The following TBC1D14 variants were observed in gnomAD, a reference collection of about 807,000 sequenced individuals.
TBC1D14 encodes TBC1 domain family member 14.
In TBC1D14, 26 loss-of-function variants were observed where a neutral mutation model predicts 79.0. That is an observed-to-expected ratio of 0.33 (90% confidence interval 0.24 to 0.46). The LOEUF (loss-of-function observed/expected upper bound fraction) is 0.46. Ranked by LOEUF, TBC1D14 falls within the 20% of genes least tolerant of loss-of-function variation. The pLI is 1.00. For missense variants in TBC1D14, 769 were observed against 887.6 expected, an observed-to-expected ratio of 0.87 and a Z score of 1.70; for synonymous variants, 394 against 349.9, an observed-to-expected ratio of 1.13 and a Z score of -1.40.
intron 11 of TBC1D14, among the ~76,000 whole-genome samples, chr4:7,013,543 G>A (rs953043030): frequency 6.6e-6 from 1 of 152,124 alleles, no homozygotes; most frequent in Non-Finnish European, 1.5e-5. Context: ...TTAAAAAACC[G>A]TCCACCGTTG....
chr4:6,933,619 C>T (rs1410276225), intron 2 of TBC1D14, among the ~76,000 whole-genome samples: 1 of 152,072 alleles, frequency 6.6e-6, no homozygotes, highest in Non-Finnish European at 1.5e-5. Context: ...ACCTCTGTTT[C>T]TTAAAGTCAT....
chr4:6,926,964 C>T (rs566065799), intron 2 of TBC1D14, among the ~76,000 whole-genome samples: 1 of 152,320 alleles, frequency 6.6e-6, no homozygotes, highest in South Asian at 2.1e-4. Flanking sequence ...GTGAATCAGT[C>T]TCTGGGTTAT....
At chr4:7,024,939 A>C in intron 12 of TBC1D14, 65 bp from the exon 13 acceptor site, 1 of 1,588,826 alleles carries the variant, frequency 6.3e-7, no homozygotes, top group South Asian at 1.2e-5. Flanking sequence ...TCAGACTGGA[A>C]TTCACTGTTC....
At chr4:6,912,592 C>G (rs565738039) in intron 1 of TBC1D14, among the ~76,000 whole-genome samples, 1 of 152,126 alleles carries the variant, frequency 6.6e-6, no homozygotes. Context: ...CAGGAAGAAG[C>G]TGTACATTGT....
At chr4:6,968,219 C>T (rs1245918820) in intron 3 of TBC1D14, among the ~76,000 whole-genome samples, 1 of 152,156 alleles carries the variant, frequency 6.6e-6, no homozygotes, top group African/African-American at 2.4e-5. Flanking sequence ...AAGCGCCAGG[C>T]CTCATGCTTG....
chr4:7,029,590 G>T (rs1722835394), intron 13 of TBC1D14, among the ~76,000 whole-genome samples: 1 of 152,228 alleles, frequency 6.6e-6, no homozygotes, highest in South Asian at 2.1e-4. Flanking sequence ...ACTTTGGGAG[G>T]CCAAGGCGGG....
At chr4:7,026,733 C>CA (rs550751180) in intron 13 of TBC1D14, among the ~76,000 whole-genome samples, 1 of 151,896 alleles carries the variant, frequency 6.6e-6, no homozygotes, top group African/African-American at 2.4e-5. Context: ...CCCGTCTCTA[C>CA]AAAAAATACA....
At chr4:7,006,560 A>G in intron 8 of TBC1D14, 72 bp from the exon 9 acceptor site, 1 of 1,416,048 alleles carries the variant, frequency 7.1e-7, no homozygotes, top group Non-Finnish European at 9.8e-7. Context: ...TTCTTGTAAA[A>G]CTTCAAAGGC....
intron 3 of TBC1D14, chr4:6,987,356 CG>C: frequency 2.1e-6 from 3 of 1,423,632 alleles, no homozygotes; most frequent in Non-Finnish European, 2.8e-6. Flanking sequence ...CATGGTGAGT[CG>C]GGGTGCGGGC....
intron 2 of TBC1D14, among the ~76,000 whole-genome samples, chr4:6,940,795 T>TA (rs1712832998): frequency 1.3e-5 from 2 of 152,180 alleles, no homozygotes; most frequent in South Asian, 4.1e-4. Flanking sequence ...TCTTGTGTCT[T>TA]ACCTGTCTCC....
intron 3 of TBC1D14, chr4:6,987,452 G>T: frequency 8.7e-7 from 1 of 1,147,102 alleles, no homozygotes; most frequent in African/African-American, 1.6e-5. Flanking sequence ...CCCCGCGCAG[G>T]TGGAGGGTGC....
Position 7,009,881 on chromosome 4 carries a change from G to T in TBC1D14, c.1451G>T (p.Gly484Val), listed in dbSNP as rs767317889. The change falls in exon 10 of 14, where the codon GGT becomes GTT. Residue 484 changes from glycine (G) to valine (V), a missense_variant. By Grantham distance (109) the Gly-to-Val change is moderately radical. Coordinates refer to ENST00000409757, the MANE Select transcript of TBC1D14 (RefSeq NM_020773.3). ...TTGCTGTGTTGATCCTTTTAGGGTG[G>T]TCCATATCATGACATGTTGCACAGT... The part of the protein sequence containing the change: ...FPNLCIFQQG[G>V]PYHDMLHSIL... The T allele has an allele frequency of 6.2e-7, 1 of 1,614,036 alleles. No individual in the cohort carries two copies. Among genetic ancestry groups the T allele is most frequent in the Non-Finnish European group, 8.5e-7 (1 of 1,180,034 alleles).
At chr4:7,018,099 G>T (rs949393422) in intron 12 of TBC1D14, among the ~76,000 whole-genome samples, 1 of 152,180 alleles carries the variant, frequency 6.6e-6, no homozygotes, top group African/African-American at 2.4e-5. Flanking sequence ...TGAGGTCCAG[G>T]TTGGTTTGCC....
chr4:6,969,256 T>G (rs999646734), intron 3 of TBC1D14, among the ~76,000 whole-genome samples: 4 of 152,202 alleles, frequency 2.6e-5, no homozygotes, highest in Admixed American at 6.5e-5. Flanking sequence ...GCTATAAATT[T>G]CTTAGGAAAT....
At chr4:6,947,831 G>A (rs1008161549) in intron 2 of TBC1D14, among the ~76,000 whole-genome samples, 3 of 152,130 alleles carry the variant, frequency 2.0e-5, no homozygotes, top group African/African-American at 4.8e-5. Flanking sequence ...CAGTGGAGAC[G>A]TTCGTGGCAG....
intron 3 of TBC1D14, among the ~76,000 whole-genome samples, chr4:6,981,430 T>C (rs529428754): frequency 1.2e-4 from 18 of 152,326 alleles, no homozygotes; most frequent in Non-Finnish European, 2.4e-4. Context: ...TGGAATTTAT[T>C]AAAGAAGGAC....
intron 5 of TBC1D14, among the ~76,000 whole-genome samples, 175 bp downstream of exon 5, chr4:6,996,582 A>AGGGCTGCAGGGTGGCGTGGGC (rs1719069326): frequency 6.7e-6 from 1 of 150,360 alleles, no homozygotes; most frequent in Admixed American, 6.6e-5. Flanking sequence ...AAGCGAAAAC[A>AGGGCTGCAGGGTGGCGTGGGC]GGGCTGCAGG....
At chr4:7,015,113 G>C (rs1721152279) in intron 12 of TBC1D14, among the ~76,000 whole-genome samples, 1 of 152,100 alleles carries the variant, frequency 6.6e-6, no homozygotes, top group Non-Finnish European at 1.5e-5. Flanking sequence ...GAGGTGGGGA[G>C]GCCAGGTCAC....
At chr4:6,981,225 A>T (rs930054012) in intron 3 of TBC1D14, among the ~76,000 whole-genome samples, 1 of 151,668 alleles carries the variant, frequency 6.6e-6, no homozygotes, top group Admixed American at 6.6e-5. Context: ...GGGTTTTGCC[A>T]TGTTGGCCAG....
Sources: allele counts gnomAD v4.1 joint callset (sites outside exome capture counted in the v4.1 genomes callset), GRCh38; gene constraint gnomAD v4.1.1; transcripts MANE v1.5; gene names NCBI Gene and HGNC (gene_info 2026-07-23, HGNC 2026-07-21).